The following TEAD1 variants were observed in gnomAD, a reference collection of about 807,000 sequenced individuals.
TEAD1 encodes the protein TEA domain transcription factor 1.
A neutral mutation model predicts 54.9 loss-of-function variants in TEAD1; 9 were observed. The ratio of observed to expected loss-of-function variants is 0.16; its 90% CI spans 0.10 to 0.29. The LOEUF is 0.29. TEAD1 is among the 10% of genes least tolerant of loss of function. The pLI is 1.00. For missense variants in TEAD1, 387 were observed against 535.9 expected, an observed-to-expected ratio of 0.72 and a Z score of 2.74; for synonymous variants, 200 against 187.8, an observed-to-expected ratio of 1.07 and a Z score of -0.53.
intron 3 of TEAD1, among the ~76,000 whole-genome samples, chr11:12,771,691 G>C (rs1945314312): frequency 6.6e-6 from 1 of 152,176 alleles, no homozygotes; most frequent in Non-Finnish European, 1.5e-5. Flanking sequence ...TTCCTGCCTA[G>C]AGCTCAGTCA....
chr11:12,679,748 AT>A (rs200723452), intron 2 of TEAD1, among the ~76,000 whole-genome samples: 48 of 148,110 alleles, frequency 3.2e-4, no homozygotes, highest in East Asian at 1.8e-3. Flanking sequence ...TTGAAAGGGG[AT>A]TTTTTTTTTT....
At chr11:12,755,454 G>T (rs1346567659) in intron 2 of TEAD1, among the ~76,000 whole-genome samples, 1 of 152,122 alleles carries the variant, frequency 6.6e-6, no homozygotes, top group African/African-American at 2.4e-5. Flanking sequence ...TTTTTAGTAA[G>T]CATTATGGTT....
At chr11:12,911,195 T>C (rs867294124) in intron 10 of TEAD1, among the ~76,000 whole-genome samples, 1 of 152,254 alleles carries the variant, frequency 6.6e-6, no homozygotes, top group Non-Finnish European at 1.5e-5. Context: ...TGCTTTTGTC[T>C]TGGTAGAAAT....
At chr11:12,892,024 C>T (rs1324880906) in intron 9 of TEAD1, among the ~76,000 whole-genome samples, 3 of 152,216 alleles carry the variant, frequency 2.0e-5, no homozygotes, top group Non-Finnish European at 4.4e-5. Context: ...CCCAAGGTCT[C>T]CCCTCTGGGG....
At chr11:12,783,133 T>TGTGTGTGTGTGTGTGTGC (rs1198828193) in intron 3 of TEAD1, among the ~76,000 whole-genome samples, 1 of 145,496 alleles carries the variant, frequency 6.9e-6, no homozygotes, top group African/African-American at 2.7e-5. Flanking sequence ...TGTGTGTGTG[T>TGTGTGTGTGTGTGTGTGC]GCGCGCACTT....
chr11:12,828,616 C>G (rs1164447953), intron 3 of TEAD1, among the ~76,000 whole-genome samples: 3 of 150,652 alleles, frequency 2.0e-5, no homozygotes, highest in Non-Finnish European at 4.4e-5. Context: ...TTTCACAAAA[C>G]TGAAGTCAGG....
At chr11:12,726,378 G>A (rs149470102) in intron 2 of TEAD1, among the ~76,000 whole-genome samples, 2 of 152,206 alleles carry the variant, frequency 1.3e-5, no homozygotes, top group African/African-American at 4.8e-5. Context: ...GGAGACCGCA[G>A]ATACTAGGCT....
At chr11:12,930,691 C>A (rs1948996995) in intron 12 of TEAD1, among the ~76,000 whole-genome samples, 1 of 151,880 alleles carries the variant, frequency 6.6e-6, no homozygotes. Context: ...AGAACAGGAC[C>A]CAGGCATGTG....
intron 2 of TEAD1, among the ~76,000 whole-genome samples, chr11:12,711,528 T>C (rs1262940444): frequency 6.6e-6 from 1 of 152,148 alleles, no homozygotes; most frequent in Non-Finnish European, 1.5e-5. Context: ...GGTCCCTGGC[T>C]GGTGAAGGCC....
chr11:12,901,263 GTTTT>G (rs1251219897), intron 9 of TEAD1, among the ~76,000 whole-genome samples: 1 of 152,124 alleles, frequency 6.6e-6, no homozygotes, highest in East Asian at 1.9e-4. Flanking sequence ...GTGGTTTAGA[GTTTT>G]TTGTTTGTTT....
chr11:12,873,283 G>A (rs1011089753), intron 5 of TEAD1, among the ~76,000 whole-genome samples: 4 of 152,166 alleles, frequency 2.6e-5, no homozygotes, highest in Non-Finnish European at 5.9e-5. Context: ...GGTCAGAAGG[G>A]TGCCTTCTCC....
intron 2 of TEAD1, among the ~76,000 whole-genome samples, chr11:12,730,561 A>G (rs1457659927): frequency 6.6e-6 from 1 of 151,678 alleles, no homozygotes; most frequent in Non-Finnish European, 1.5e-5. Context: ...TTTCTAGAGC[A>G]GCGATGGCTC....
chr11:12,878,504 C>A (rs1413382128), intron 5 of TEAD1, among the ~76,000 whole-genome samples: 1 of 152,106 alleles, frequency 6.6e-6, no homozygotes, highest in Non-Finnish European at 1.5e-5. Flanking sequence ...CTATTGGCAC[C>A]GGTAGCCTTT....
intron 3 of TEAD1, among the ~76,000 whole-genome samples, chr11:12,844,343 T>C (rs1485963520): frequency 6.6e-6 from 1 of 152,242 alleles, no homozygotes; most frequent in African/African-American, 2.4e-5. Flanking sequence ...CTTTTCCTCA[T>C]AGTTTTTTCT....
intron 2 of TEAD1, among the ~76,000 whole-genome samples, chr11:12,747,635 C>T (rs1041962140): frequency 7.2e-5 from 11 of 152,320 alleles, no homozygotes; most frequent in Admixed American, 6.5e-4. Context: ...CACGCCTGGC[C>T]TATTAGTTTT....
intron 2 of TEAD1, among the ~76,000 whole-genome samples, chr11:12,687,517 C>T (rs936542786): frequency 1.3e-5 from 2 of 152,234 alleles, no homozygotes; most frequent in African/African-American, 2.4e-5. Flanking sequence ...ATCTGTGTGA[C>T]TCCACAGCTG....
chr11:12,781,195 A>T (rs1945534055), intron 3 of TEAD1, among the ~76,000 whole-genome samples: 1 of 152,244 alleles, frequency 6.6e-6, no homozygotes, highest in South Asian at 2.1e-4. Flanking sequence ...CTAGAAAATG[A>T]TCATAGATGT....
In TEAD1 at chr11:12,726,433, C is replaced by A. The variant is rs1485840743; in HGVS notation, c.-54-37746C>A. Among the ~76,000 whole-genome samples the A allele has an allele frequency of 3.9e-5, 6 of 152,308 alleles. No individual in the cohort carries two copies. In the East Asian group the frequency reaches 1.2e-3, roughly 29 times the overall value. On this transcript the variant is annotated intron_variant, in intron 2 of 12. Coordinates refer to ENST00000527636, the MANE Select transcript of TEAD1 (RefSeq NM_021961.6). ...AAGAAGTGGTTGCTCTAGGCCTGTGCTGTGCACTGGGGGAGTCACCAACCT... is the reference window on the plus strand; with the variant it reads ...AAGAAGTGGTTGCTCTAGGCCTGTGATGTGCACTGGGGGAGTCACCAACCT...
intron 3 of TEAD1, among the ~76,000 whole-genome samples, chr11:12,851,314 A>G (rs746971603): frequency 3.3e-5 from 5 of 152,192 alleles, no homozygotes; most frequent in African/African-American, 7.2e-5. Flanking sequence ...CTAATGTACA[A>G]CATAAGGACT....
Sources: gnomAD v4.1 joint callset for allele counts (sites outside exome capture counted in the v4.1 genomes callset) on GRCh38, gnomAD v4.1.1 for gene constraint, MANE v1.5 for transcripts, NCBI Gene and HGNC (gene_info 2026-07-23, HGNC 2026-07-21) for gene names.